Variants in CTNNA3 observed in about 807,000 individuals in gnomAD.
CTNNA3 encodes the protein catenin alpha 3.
CTNNA3 carries 76 observed loss-of-function variants against 95.7 expected under a neutral mutation model. That is an observed-to-expected ratio of 0.79 (90% CI 0.66 to 0.96). The LOEUF is 0.96. CTNNA3 is among the 40% of genes least tolerant of loss of function. The pLI is 0.00. For synonymous variants in CTNNA3, 431 were observed against 374.4 expected, an observed-to-expected ratio of 1.15 and a Z score of -1.74; for missense variants, 1,191 against 1,089.8, an observed-to-expected ratio of 1.09 and a Z score of -1.31.
intron 5 of CTNNA3, among the ~76,000 whole-genome samples, chr10:67,339,780 C>T (rs1041723312): frequency 7.2e-5 from 11 of 152,126 alleles, no homozygotes; most frequent in African/African-American, 2.7e-4. Flanking sequence ...TGTAACATAT[C>T]TCTAAGAAAT....
chr10:66,273,197 G>A (rs1240871543), intron 13 of CTNNA3, among the ~76,000 whole-genome samples: 3 of 151,910 alleles, frequency 2.0e-5, no homozygotes, highest in East Asian at 3.9e-4. Flanking sequence ...GCATCACTAC[G>A]TGCACTTTGG....
At chr10:67,537,170 C>A (rs998026716) in intron 4 of CTNNA3, among the ~76,000 whole-genome samples, 1 of 152,096 alleles carries the variant, frequency 6.6e-6, no homozygotes, top group Non-Finnish European at 1.5e-5. Flanking sequence ...TTTAAAACAC[C>A]TTCTGGTGTA....
chr10:66,762,641 G>A (rs1485450841), intron 9 of CTNNA3, among the ~76,000 whole-genome samples: 1 of 151,492 alleles, frequency 6.6e-6, no homozygotes, highest in Admixed American at 6.6e-5. Context: ...CAAATTCTTC[G>A]GCCACTGTCC....
chr10:66,738,194 A>G (rs1016824044), intron 9 of CTNNA3, among the ~76,000 whole-genome samples: 31 of 152,160 alleles, frequency 2.0e-4, no homozygotes, highest in Non-Finnish European at 1.6e-4. Context: ...TTAATTCCCA[A>G]GGATTGTCAG....
intron 12 of CTNNA3, among the ~76,000 whole-genome samples, chr10:66,344,868 A>C (rs527513765): frequency 5.9e-5 from 9 of 152,214 alleles, no homozygotes; most frequent in South Asian, 2.1e-4. Flanking sequence ...ATACAAATCT[A>C]AACATGAATG....
At chr10:66,996,714 A>C (rs1287193047) in intron 7 of CTNNA3, among the ~76,000 whole-genome samples, 1 of 146,740 alleles carries the variant, frequency 6.8e-6, no homozygotes. Flanking sequence ...TGAGTTAATT[A>C]GCGCCTATGC....
chr10:66,779,323 C>T (rs1369184791), intron 7 of CTNNA3, among the ~76,000 whole-genome samples: 1 of 140,218 alleles, frequency 7.1e-6, no homozygotes, highest in Non-Finnish European at 1.5e-5. Flanking sequence ...TTGTTATGGA[C>T]TCCTTCCTTC....
intron 11 of CTNNA3, among the ~76,000 whole-genome samples, chr10:66,487,744 C>T (rs1839790512): frequency 6.6e-6 from 1 of 152,052 alleles, no homozygotes; most frequent in Non-Finnish European, 1.5e-5. Flanking sequence ...CAATCTCCTG[C>T]CAACAGTTAA....
rs577549017 is a variant in CTNNA3 at position 67,732,239 on chromosome 10, T to C, written c.-2+31195A>G. Among the ~76,000 whole-genome samples the C allele has an allele frequency of 8.5e-5, 13 of 152,296 alleles. No homozygotes were observed. The East Asian group carries it at 2.5e-3, about 29-fold the overall frequency. On this transcript the variant is annotated intron_variant, in intron 1 of 17. Coordinates refer to the CTNNA3 transcript ENST00000684154. The stretch of plus-strand genomic sequence containing the variant: ...AGGTCGGGCCTTTTAGTGTGTGAAC[T>C]TGTATTTTTCAAATCAAACAAGAGT...
intron 5 of CTNNA3, among the ~76,000 whole-genome samples, chr10:67,432,663 C>A (rs538794327): frequency 2.0e-5 from 3 of 152,172 alleles, no homozygotes; most frequent in African/African-American, 7.2e-5. Flanking sequence ...CCAACCAGAT[C>A]ATCCAGGATA....
rs532117133 is a variant in CTNNA3, at chr10:66,664,445, G to T, written c.1282-42661C>A. ...ACTGGCAGAGACCTTCATGAATATT[G>T]GTCCCATCTCCATGCAGAGAAGAGA... On this transcript the variant is annotated intron_variant, in intron 9 of 17. Coordinates refer to ENST00000433211, the MANE Select transcript of CTNNA3 (RefSeq NM_013266.4). 3.9e-5 allele frequency among the ~76,000 whole-genome samples: 6 copies of T among 152,142 alleles called. No individual in the cohort carries two copies. The East Asian group carries it at 1.2e-3, about 29-fold the overall frequency.
At chr10:67,687,555 T>G (rs1840757447) in intron 1 of CTNNA3, among the ~76,000 whole-genome samples, 1 of 152,164 alleles carries the variant, frequency 6.6e-6, no homozygotes, top group African/African-American at 2.4e-5. Context: ...TTTTTGGGCC[T>G]GTTTCTCTTG....
chr10:66,854,163 T>A (rs1385639098), intron 7 of CTNNA3, among the ~76,000 whole-genome samples: 1 of 152,032 alleles, frequency 6.6e-6, no homozygotes, highest in Non-Finnish European at 1.5e-5. Context: ...TTTAAAAAGT[T>A]GACACATTTA....
chr10:67,559,888 T>A (rs958291463), intron 3 of CTNNA3, among the ~76,000 whole-genome samples: 10 of 151,706 alleles, frequency 6.6e-5, no homozygotes, highest in African/African-American at 2.4e-4. Context: ...AGGGTATCAG[T>A]GATAGAAGAT....
Position 67,472,651 on chromosome 10 carries a change from A to G in CTNNA3, c.579+49191T>C, listed in dbSNP as rs567080867. On this transcript the variant is annotated intron_variant, in intron 5 of 17. Transcript: ENST00000433211. ...GCATAATCCACCCCTTAGTAAGCAT[A>G]TGTAATCAAGAAATAACCACAATTA... Among the ~76,000 whole-genome samples the G allele has an allele frequency of 2.0e-5, 3 of 152,304 alleles. No individual in the cohort carries two copies. In the South Asian group the frequency reaches 6.2e-4, roughly 32 times the overall value.
At chr10:67,341,840 T>G (rs1168460116) in intron 5 of CTNNA3, among the ~76,000 whole-genome samples, 2 of 152,108 alleles carry the variant, frequency 1.3e-5, no homozygotes, top group Non-Finnish European at 1.5e-5. Context: ...CTTTTCTCCA[T>G]ATCCTCATTA....
At chr10:66,383,178 A>G (rs1275133195) in intron 11 of CTNNA3, among the ~76,000 whole-genome samples, 2 of 152,322 alleles carry the variant, frequency 1.3e-5, no homozygotes, top group Admixed American at 1.3e-4. Flanking sequence ...AACCCATTGC[A>G]AGGAAGCTAA....
chr10:67,001,448 G>T (rs539687732), intron 7 of CTNNA3, among the ~76,000 whole-genome samples: 2 of 152,058 alleles, frequency 1.3e-5, no homozygotes, highest in East Asian at 3.9e-4. Flanking sequence ...CTGAAGACAG[G>T]GGTGGGGGAC....
At chr10:67,126,759 C>T (rs1048715184) in intron 7 of CTNNA3, among the ~76,000 whole-genome samples, 1 of 152,116 alleles carries the variant, frequency 6.6e-6, no homozygotes, top group Non-Finnish European at 1.5e-5. Context: ...GGGGTGAATT[C>T]ATCTTTGTCC....
Sources: allele counts gnomAD v4.1 joint callset (sites outside exome capture counted in the v4.1 genomes callset), GRCh38; gene constraint gnomAD v4.1.1; transcripts MANE v1.5; gene names NCBI Gene and HGNC (gene_info 2026-07-23, HGNC 2026-07-21).